Variants in RASA3 observed in about 807,000 individuals in gnomAD.
RASA3 encodes RAS p21 protein activator 3.
Under a neutral mutation model 110.0 loss-of-function variants are expected in RASA3, and 73 were observed. The observed-to-expected ratio is 0.66, with a 90% CI of 0.55 to 0.81. RASA3 has a LOEUF of 0.81. Ranked by LOEUF, RASA3 falls within the 30% of genes least tolerant of loss-of-function variation. The pLI is 0.00. For missense variants in RASA3, 976 were observed against 1,113.2 expected (o/e 0.88, Z 1.75); for synonymous variants, 500 against 451.4 (o/e 1.11, Z -1.37).
At chr13:114,131,911 A>ACAG (rs1359874122) in intron 1 of RASA3, among the ~76,000 whole-genome samples, 1 of 152,084 alleles carries the variant, frequency 6.6e-6, no homozygotes, top group Non-Finnish European at 1.5e-5. Context: ...ACGCGCGCGC[A>ACAG]CAGCAGCAGC....
At chr13:113,997,740 G>C (rs1393485872) in intron 20 of RASA3, among the ~76,000 whole-genome samples, 1 of 152,176 alleles carries the variant, frequency 6.6e-6, no homozygotes, top group Non-Finnish European at 1.5e-5. Flanking sequence ...GCTCTCATGT[G>C]GGACTTGCCC....
intron 3 of RASA3, among the ~76,000 whole-genome samples, chr13:114,042,306 C>G (rs1329341593): frequency 1.3e-5 from 2 of 152,260 alleles, no homozygotes; most frequent in Non-Finnish European, 2.9e-5. Flanking sequence ...ACCACGCCAC[C>G]CACCACGGTG....
chr13:114,062,502 G>A (rs569967781), intron 2 of RASA3, among the ~76,000 whole-genome samples: 42 of 152,276 alleles, frequency 2.8e-4, no homozygotes, highest in Non-Finnish European at 4.7e-4. Flanking sequence ...CAGTCGCCAC[G>A]GGACACAGTG....
intron 4 of RASA3, among the ~76,000 whole-genome samples, chr13:114,034,949 A>C: frequency 6.7e-6 from 1 of 149,996 alleles, no homozygotes; most frequent in East Asian, 2.0e-4. Flanking sequence ...AGCTTAGAGC[A>C]GAAGGGAGAT....
chr13:114,078,024 C>T, intron 1 of RASA3: 1 of 979,540 alleles, frequency 1.0e-6, no homozygotes, highest in Non-Finnish European at 1.2e-6. Context: ...GAGAAACATC[C>T]TGGTTGCTAT....
intron 13 of RASA3, 87 bp from the exon 14 acceptor site, chr13:114,015,419 G>A (rs2053768307): frequency 3.2e-6 from 5 of 1,555,714 alleles, no homozygotes; most frequent in Non-Finnish European, 8.7e-7. Flanking sequence ...AGGGGCGCGT[G>A]GGGAGGGGCT....
At chr13:114,045,123 TG>T (rs1373479285) in intron 3 of RASA3, among the ~76,000 whole-genome samples, 1 of 152,166 alleles carries the variant, frequency 6.6e-6, no homozygotes, top group African/African-American at 2.4e-5. Flanking sequence ...CATTCAACAA[TG>T]GGGACCGTGG....
chr13:114,038,154 G>A (rs530542008), intron 4 of RASA3, among the ~76,000 whole-genome samples: 2 of 152,124 alleles, frequency 1.3e-5, no homozygotes, highest in Non-Finnish European at 2.9e-5. Context: ...GGCAAACGAC[G>A]AGGCCGCACT....
chr13:114,079,870 A>G (rs1008283684), intron 1 of RASA3, among the ~76,000 whole-genome samples: 1 of 150,702 alleles, frequency 6.6e-6, no homozygotes, highest in African/African-American at 2.5e-5. Flanking sequence ...ACGAGGCTGC[A>G]CATCTCGGTG....
rs2079830480 is a variant in RASA3, at chr13:114,087,189, C to T, written c.56-13352G>A. On this transcript the variant is annotated intron_variant, in intron 1 of 23. Transcript: ENST00000334062. The stretch of plus-strand genomic sequence containing the variant: ...GGGAAATCCCGGGGAAGTGCTGAGT[C>T]TGGAGTATCGACTCCCTTCGTCCTC... 5.4e-5 allele frequency among the ~76,000 whole-genome samples: 6 copies of T among 110,686 alleles called. 1 individual carries two copies. Among genetic ancestry groups the T allele is most frequent in the African/African-American group, 8.8e-5 (3 of 34,282 alleles). The allele number at this position is 110,686 out of a possible 152,430, so 72.6% of individuals were successfully genotyped here.
At chr13:113,997,137 C>T (rs1241802471) in intron 20 of RASA3, among the ~76,000 whole-genome samples, 4 of 152,228 alleles carry the variant, frequency 2.6e-5, no homozygotes, top group South Asian at 2.1e-4. Flanking sequence ...CCACGTGGTG[C>T]TCGTGCTGTG....
chr13:114,131,445 T>A (rs1183810457), intron 1 of RASA3, among the ~76,000 whole-genome samples: 4 of 152,074 alleles, frequency 2.6e-5, no homozygotes, highest in Non-Finnish European at 5.9e-5. Flanking sequence ...GGGGGAGGAC[T>A]TCCACATCAC....
chr13:114,040,516 C>T (rs2054377508), intron 4 of RASA3, among the ~76,000 whole-genome samples: 2 of 138,838 alleles, frequency 1.4e-5, no homozygotes, highest in South Asian at 2.4e-4. Flanking sequence ...ACACGCACAA[C>T]CCAAAATCCA....
intron 19 of RASA3, 48 bp downstream of exon 19, chr13:114,000,778 G>GC (rs958440466): frequency 5.9e-6 from 8 of 1,358,574 alleles, no homozygotes; most frequent in Non-Finnish European, 8.4e-6. Context: ...CAGTCCCAGG[G>GC]CCCAGCACGC....
At chr13:114,058,250 C>T (rs988287468) in intron 2 of RASA3, among the ~76,000 whole-genome samples, 2 of 152,144 alleles carry the variant, frequency 1.3e-5, no homozygotes, top group African/African-American at 2.4e-5. Context: ...ACCACCCACC[C>T]GGCAGGGGCC....
chr13:114,122,129 G>A lies in RASA3; in HGVS notation c.55+10306C>T, dbSNP rs542771524. 2.0e-4 allele frequency among the ~76,000 whole-genome samples: 31 copies of A among 152,332 alleles called. No individual in the cohort carries two copies. In the East Asian group the frequency reaches 5.8e-3, roughly 28 times the overall value. ...AGGCCAGGCGTCCCTTCCAGGCTGC[G>A]CAGCCGGCCACGGCGGCAGAGCTTC... is the stretch of plus-strand genomic sequence containing the variant. On this transcript the variant is annotated intron_variant, in intron 1 of 23. Transcript: ENST00000334062.
intron 9 of RASA3, 36 bp from the exon 10 acceptor site, chr13:114,018,955 G>A (rs775774258): frequency 4.3e-6 from 7 of 1,611,090 alleles, no homozygotes; most frequent in Non-Finnish European, 5.1e-6. Flanking sequence ...GAGGCATGAG[G>A]CTGCATCTGC....
chr13:114,009,490 G>C lies in RASA3; in HGVS notation c.1591-26C>G, dbSNP rs753249271. ...CTAAAATGAAACGGAGATCACTCGAGGACAGCCCGAAGTACCTCGGCTCAC... is the reference window on the plus strand; with the variant it reads ...CTAAAATGAAACGGAGATCACTCGACGACAGCCCGAAGTACCTCGGCTCAC... On this transcript the variant is annotated intron_variant, in intron 16 of 23. Coordinates refer to ENST00000334062, the MANE Select transcript of RASA3 (RefSeq NM_007368.4). The C allele has an allele frequency of 2.0e-6, 3 of 1,517,470 alleles. No individual in the cohort carries two copies. In the South Asian group the frequency reaches 3.4e-5, roughly 17 times the overall value. The allele number at this position is 1,517,470 out of a possible 1,614,324, so 94.0% of individuals were successfully genotyped here.
rs899747498 is a variant in RASA3 at position 114,081,936 on chromosome 13, G to C, written c.56-8099C>G. Among the ~76,000 whole-genome samples the C allele has an allele frequency of 4.6e-5, 7 of 152,292 alleles. No homozygotes were observed. In the South Asian group the frequency reaches 6.2e-4, roughly 14 times the overall value. On this transcript the variant is annotated intron_variant, in intron 1 of 23. Coordinates refer to ENST00000334062, the MANE Select transcript of RASA3 (RefSeq NM_007368.4). Reference sequence around the variant, plus strand: ...GACTCCTCTCCTGAGTCCACACACAGGACCTCACACCTGCACTCACCGGCT... The same window carrying C: ...GACTCCTCTCCTGAGTCCACACACACGACCTCACACCTGCACTCACCGGCT...
Sources: allele counts gnomAD v4.1 joint callset (sites outside exome capture counted in the v4.1 genomes callset), GRCh38; gene constraint gnomAD v4.1.1; transcripts MANE v1.5; gene names NCBI Gene and HGNC (gene_info 2026-07-23, HGNC 2026-07-21).